Variants in CCDC30 observed in about 807,000 individuals in gnomAD.
The protein encoded by CCDC30 is coiled-coil domain containing 30, also known as coiled-coil domain-containing protein 30.
A neutral mutation model predicts 100.2 loss-of-function variants in CCDC30; 70 were observed. The ratio of observed to expected loss-of-function variants is 0.70; its 90% CI spans 0.58 to 0.85. The LOEUF (loss-of-function observed/expected upper bound fraction) is 0.85. CCDC30 is among the 40% of genes least tolerant of loss of function. CCDC30 has a pLI of 0.00. For missense variants in CCDC30, 652 were observed against 771.2 expected, an observed-to-expected ratio of 0.85 and a Z score of 1.83; for synonymous variants, 233 against 269.5, an observed-to-expected ratio of 0.86 and a Z score of 1.33.
At chr1:42,643,416 G>A (rs1466678189) in intron 13 of CCDC30, among the ~76,000 whole-genome samples, 1 of 152,154 alleles carries the variant, frequency 6.6e-6, no homozygotes. Context: ...ACTGCTTTGG[G>A]CACACGTCTC....
At chr1:42,457,014 C>G in the CCDC30 span, 2 of 1,601,904 alleles carry the variant, frequency 1.2e-6, no homozygotes, top group African/African-American at 2.7e-5. Flanking sequence ...GTAGAGTTCA[C>G]CACTTTGGCG....
At chr1:42,465,651 C>T (rs2148430453) in intron 1 of CCDC30, among the ~76,000 whole-genome samples, 1 of 152,292 alleles carries the variant, frequency 6.6e-6, no homozygotes, top group Non-Finnish European at 1.5e-5. Context: ...AAGTGTGAGC[C>T]ACGGTACCCG....
upstream of CCDC30, among the ~76,000 whole-genome samples, chr1:42,461,640 G>A (rs533997227): frequency 1.1e-4 from 16 of 150,306 alleles, no homozygotes; most frequent in Admixed American, 1.3e-4. Flanking sequence ...TCTGCCTCCC[G>A]GGTTCACACC....
At chr1:42,456,206 C>T in the CCDC30 span, 13 of 622,136 alleles carry the variant, frequency 2.1e-5, no homozygotes, top group East Asian at 2.7e-4. Flanking sequence ...CCACAAGTCC[C>T]ACGGGTCAAA....
At chr1:42,487,273 A>G (rs1405395207) in intron 3 of CCDC30, among the ~76,000 whole-genome samples, 1 of 152,184 alleles carries the variant, frequency 6.6e-6, no homozygotes, top group Non-Finnish European at 1.5e-5. Flanking sequence ...ACTAAAAACC[A>G]TTGAATTGTC....
chr1:42,597,697 C>A (rs1646317624), intron 10 of CCDC30, among the ~76,000 whole-genome samples: 2 of 151,928 alleles, frequency 1.3e-5, no homozygotes, highest in Non-Finnish European at 2.9e-5. Context: ...AGCTGAGTGG[C>A]CCTAGAGTTT....
chr1:42,490,230 G>T lies in CCDC30; in HGVS notation c.241+1G>T, dbSNP rs1644116025. On this transcript the variant is annotated splice_donor_variant, in intron 4 of 16. Coordinates refer to ENST00000668663, the Ensembl canonical transcript of CCDC30. LOFTEE classifies it high-confidence loss of function. ...AATTTGGTAAAGCTGAAAGAAAATG[G>T]TAAGTCATTCTAGAAGATATGATGA... 8.5e-7 allele frequency: 1 copy of T among 1,181,994 alleles called. No individual in the cohort carries two copies. Among genetic ancestry groups the T allele is most frequent in the African/African-American group, 1.6e-5 (1 of 63,410 alleles). The allele number at this position is 1,181,994 out of a possible 1,614,324, so 73.2% of individuals were successfully genotyped here.
intron 6 of CCDC30, chr1:42,521,250 A>G (rs1245215665): frequency 2.6e-5 from 4 of 153,594 alleles, no homozygotes; most frequent in African/African-American, 9.7e-5. Context: ...AAGTGCTGGG[A>G]TTACAGGTAT....
intron 6 of CCDC30, among the ~76,000 whole-genome samples, chr1:42,499,602 AG>A (rs1018967572): frequency 3.3e-5 from 5 of 151,986 alleles, no homozygotes; most frequent in African/African-American, 9.7e-5. Context: ...CAGCCTCTCA[AG>A]TAGCTGGGAC....
At chr1:42,473,857 G>C (rs1643842724) in intron 1 of CCDC30, among the ~76,000 whole-genome samples, 1 of 152,110 alleles carries the variant, frequency 6.6e-6, no homozygotes, top group Non-Finnish European at 1.5e-5. Flanking sequence ...ACTTTTTATA[G>C]CATTGGCTGA....
intron 6 of CCDC30, among the ~76,000 whole-genome samples, chr1:42,546,418 A>ATGTATATATATG (rs1557843131): frequency 1.2e-4 from 1 of 8,164 alleles, no homozygotes; most frequent in Admixed American, 1.7e-3. Flanking sequence ...ATATATATAT[A>ATGTATATATATG]TATATATATA....
intron 8 of CCDC30, 89 bp downstream of exon 12, chr1:42,577,318 T>TCCCA: frequency 1.2e-6 from 1 of 844,580 alleles, no homozygotes; most frequent in Admixed American, 2.8e-5. Context: ...ATAAATATGA[T>TCCCA]GCAGACTTGA....
At chr1:42,564,087 G>A (rs1645555217) in intron 6 of CCDC30, among the ~76,000 whole-genome samples, 1 of 152,054 alleles carries the variant, frequency 6.6e-6, no homozygotes, top group African/African-American at 2.4e-5. Context: ...TAATGACATG[G>A]GCTTTTTAGA....
intron 10 of CCDC30, among the ~76,000 whole-genome samples, chr1:42,600,115 C>T (rs1646372999): frequency 6.6e-6 from 1 of 152,136 alleles, no homozygotes; most frequent in Non-Finnish European, 1.5e-5. Flanking sequence ...CAGGCCCCAC[C>T]TTCAACACTC....
chr1:42,639,874 G>A (rs1299727343), intron 12 of CCDC30, among the ~76,000 whole-genome samples: 7 of 151,692 alleles, frequency 4.6e-5, no homozygotes, highest in African/African-American at 7.3e-5. Context: ...GCTGAGGCAG[G>A]AGAATTGCTT....
At chr1:42,554,213 AT>A (rs1557849458) in intron 6 of CCDC30, among the ~76,000 whole-genome samples, 1 of 146,964 alleles carries the variant, frequency 6.8e-6, no homozygotes, top group Non-Finnish European at 1.5e-5. Flanking sequence ...CTTATGGATT[AT>A]TTTATTGCAG....
intron 6 of CCDC30, among the ~76,000 whole-genome samples, chr1:42,513,543 CA>C (rs1289506978): frequency 2.0e-5 from 3 of 152,166 alleles, no homozygotes; most frequent in Non-Finnish European, 2.9e-5. Flanking sequence ...TTCCTATTGG[CA>C]CAACTGCCGG....
chr1:42,508,664 C>G (rs2105061), intron 6 of CCDC30, among the ~76,000 whole-genome samples: 1 of 151,658 alleles, frequency 6.6e-6, no homozygotes, highest in Admixed American at 6.6e-5. Flanking sequence ...AGGGTGTGTA[C>G]GTGTGTGTGT....
At chr1:42,553,305 C>T (rs548697515) in intron 6 of CCDC30, among the ~76,000 whole-genome samples, 1 of 152,202 alleles carries the variant, frequency 6.6e-6, no homozygotes, top group East Asian at 1.9e-4. Flanking sequence ...AGGAAACTCA[C>T]AGCCATGTCG....
Sources: allele counts gnomAD v4.1 joint callset (sites outside exome capture counted in the v4.1 genomes callset), GRCh38; gene constraint gnomAD v4.1.1; transcripts MANE v1.5; gene names NCBI Gene and HGNC (gene_info 2026-07-23, HGNC 2026-07-21).